SPOCK3: variants seen among roughly 807,000 people sequenced by gnomAD.
SPOCK3 encodes testican-3.
Under a neutral mutation model 56.6 loss-of-function variants are expected in SPOCK3, and 30 were observed. The ratio of observed to expected loss-of-function variants is 0.53; its 90% CI spans 0.40 to 0.72. The LOEUF (loss-of-function observed/expected upper bound fraction) is 0.72, where lower values mean the gene tolerates loss of function less well. Ranked by LOEUF, SPOCK3 falls within the 30% of genes least tolerant of loss-of-function variation. SPOCK3 has a pLI of 0.00. For missense variants in SPOCK3, 527 were observed against 530.0 expected (o/e 0.99, Z 0.06); for synonymous variants, 196 against 183.3 (o/e 1.07, Z -0.56).
At chr4:166,828,141 T>C (rs1009392427) in intron 6 of SPOCK3, among the ~76,000 whole-genome samples, 14 of 152,038 alleles carry the variant, frequency 9.2e-5, no homozygotes, top group African/African-American at 3.4e-4. Flanking sequence ...TTTCAAAATT[T>C]GTTGGTTGAT....
chr4:166,803,521 G>A (rs2126697604), intron 6 of SPOCK3, among the ~76,000 whole-genome samples: 2 of 152,256 alleles, frequency 1.3e-5, no homozygotes, highest in African/African-American at 4.8e-5. Flanking sequence ...TGAAAAAGTG[G>A]TATTCCGGGC....
intron 2 of SPOCK3, among the ~76,000 whole-genome samples, chr4:167,101,809 A>G (rs531180746): frequency 7.3e-6 from 1 of 136,820 alleles, no homozygotes; most frequent in Non-Finnish European, 1.5e-5. Context: ...TGCAACCTCC[A>G]CCTCCCAGGT....
At chr4:166,854,008 G>A (rs1012292547) in intron 6 of SPOCK3, among the ~76,000 whole-genome samples, 1 of 152,094 alleles carries the variant, frequency 6.6e-6, no homozygotes, top group African/African-American at 2.4e-5. Flanking sequence ...ATGTTAGTTT[G>A]AGCAATATGA....
intron 2 of SPOCK3, among the ~76,000 whole-genome samples, chr4:167,199,949 T>C (rs1733361661): frequency 1.3e-5 from 2 of 151,710 alleles, no homozygotes; most frequent in South Asian, 4.1e-4. Context: ...ATGAATAATA[T>C]GTAATCTATT....
chr4:166,809,846 C>T (rs75316379), intron 6 of SPOCK3, among the ~76,000 whole-genome samples: 217 of 152,108 alleles, frequency 1.4e-3, no homozygotes, highest in African/African-American at 4.8e-3. Context: ...AAGCCCACTC[C>T]GTGACCATGA....
intron 2 of SPOCK3, among the ~76,000 whole-genome samples, chr4:167,066,997 C>T (rs1057174453): frequency 1.3e-5 from 2 of 151,754 alleles, no homozygotes; most frequent in African/African-American, 4.8e-5. Flanking sequence ...TAAACTCTCC[C>T]ATTGTCTGAA....
At chr4:167,072,817 C>A (rs760306401) in intron 2 of SPOCK3, among the ~76,000 whole-genome samples, 4 of 151,724 alleles carry the variant, frequency 2.6e-5, no homozygotes, top group Non-Finnish European at 4.4e-5. Flanking sequence ...TTATGATGTA[C>A]TATATAGAAA....
At chr4:166,812,711 T>A (rs62355259) in intron 6 of SPOCK3, among the ~76,000 whole-genome samples, 11,006 of 152,062 alleles carry the variant, frequency 0.072, 517 homozygotes, top group Non-Finnish European at 0.1. Context: ...TTTTCTACTT[T>A]GGGATATACT....
At chr4:167,160,343 A>G (rs1266559173) in intron 2 of SPOCK3, among the ~76,000 whole-genome samples, 2 of 152,186 alleles carry the variant, frequency 1.3e-5, no homozygotes, top group Non-Finnish European at 2.9e-5. Flanking sequence ...AGGGATGTGA[A>G]GGACCTCTTC....
At chr4:166,999,296 T>C (rs956171548) in intron 4 of SPOCK3, among the ~76,000 whole-genome samples, 3 of 152,298 alleles carry the variant, frequency 2.0e-5, no homozygotes, top group African/African-American at 4.8e-5. Flanking sequence ...AGACTTAACA[T>C]TGTGGAATAA....
At chr4:166,839,807 T>G (rs1351334510) in intron 6 of SPOCK3, among the ~76,000 whole-genome samples, 1 of 152,130 alleles carries the variant, frequency 6.6e-6, no homozygotes, top group Non-Finnish European at 1.5e-5. Context: ...AACCATAAAC[T>G]GCCAATCAAA....
chr4:167,127,050 A>T (rs1834832), intron 2 of SPOCK3, among the ~76,000 whole-genome samples: 152,195 of 152,274 alleles, frequency 1, 76,058 homozygotes, highest in Non-Finnish European at 1. Flanking sequence ...ATGGACCAGC[A>T]ATAGAATAGA....
intron 2 of SPOCK3, among the ~76,000 whole-genome samples, chr4:167,197,498 T>C (rs567787547): frequency 2.8e-3 from 429 of 152,278 alleles, no homozygotes; most frequent in Non-Finnish European, 5.2e-3. Context: ...GAAATTTAAG[T>C]GTGAGAAATC....
chr4:166,819,540 T>C (rs955182966), intron 6 of SPOCK3, among the ~76,000 whole-genome samples: 2 of 152,026 alleles, frequency 1.3e-5, no homozygotes, highest in African/African-American at 4.8e-5. Context: ...GGTCACAGGA[T>C]ACAGAACCAA....
intron 2 of SPOCK3, among the ~76,000 whole-genome samples, chr4:167,221,961 T>C (rs1735963588): frequency 6.6e-6 from 1 of 152,280 alleles, no homozygotes; most frequent in East Asian, 1.9e-4. Flanking sequence ...TCTGAGTATA[T>C]ATCCAAATAA....
intron 6 of SPOCK3, among the ~76,000 whole-genome samples, chr4:166,810,737 G>T (rs143200770): frequency 0.014 from 2,108 of 151,662 alleles, 23 homozygotes; most frequent in Non-Finnish European, 0.019. Flanking sequence ...TATAACTATG[G>T]TTATGGATGA....
intron 7 of SPOCK3, among the ~76,000 whole-genome samples, chr4:166,765,085 A>G (rs931584541): frequency 2.6e-5 from 4 of 152,246 alleles, no homozygotes; most frequent in Admixed American, 6.5e-5. Context: ...GATTCTGGAT[A>G]TTAGCCCTTT....
chr4:166,997,748 G>A (rs1012081858), intron 4 of SPOCK3, among the ~76,000 whole-genome samples: 6 of 152,160 alleles, frequency 3.9e-5, no homozygotes, highest in African/African-American at 1.4e-4. Context: ...GGAGAAATGA[G>A]TGTGATATAT....
intron 6 of SPOCK3, among the ~76,000 whole-genome samples, chr4:166,816,063 T>C (rs1744347238): frequency 6.6e-6 from 1 of 152,114 alleles, no homozygotes; most frequent in South Asian, 2.1e-4. Flanking sequence ...TAATAATTCC[T>C]CTATTAAGAT....
Sources: gnomAD v4.1 joint callset for allele counts (sites outside exome capture counted in the v4.1 genomes callset) on GRCh38, gnomAD v4.1.1 for gene constraint, MANE v1.5 for transcripts, NCBI Gene and HGNC (gene_info 2026-07-23, HGNC 2026-07-21) for gene names.